The following RASA1 variants were observed in gnomAD, a reference collection of about 807,000 sequenced individuals.
RASA1 encodes the protein ras GTPase-activating protein 1.
A neutral mutation model predicts 132.2 loss-of-function variants in RASA1; 25 were observed. The ratio of observed to expected loss-of-function variants is 0.19; its 90% CI spans 0.14 to 0.26. The LOEUF is 0.26. RASA1 is among the 10% of genes least tolerant of loss of function. The pLI, the probability that RASA1 is intolerant of heterozygous loss-of-function variation, is 1.00. For missense variants in RASA1, 964 were observed against 1,299.2 expected (o/e 0.74, Z 3.97); for synonymous variants, 477 against 449.9 (o/e 1.06, Z -0.76).
chr5:87,271,020 C>G (rs1379312886), intron 1 of RASA1, among the ~76,000 whole-genome samples: 1 of 152,122 alleles, frequency 6.6e-6, no homozygotes, highest in African/African-American at 2.4e-5. Flanking sequence ...GGGTGGATCA[C>G]CTGAAGTCCG....
chr5:87,282,345 T>C (rs1270674665), intron 1 of RASA1, among the ~76,000 whole-genome samples: 2 of 152,246 alleles, frequency 1.3e-5, no homozygotes, highest in African/African-American at 4.8e-5. Context: ...ATAAGATTTA[T>C]GGTTGACAAT....
intron 4 of RASA1, among the ~76,000 whole-genome samples, chr5:87,334,285 T>C (rs774068542): frequency 2.0e-5 from 3 of 152,118 alleles, no homozygotes; most frequent in Admixed American, 6.6e-5. Context: ...TGAGATGAGA[T>C]GTCCCAGCTC....
At chr5:87,295,860 A>C (rs1755097318) in intron 1 of RASA1, among the ~76,000 whole-genome samples, 1 of 149,848 alleles carries the variant, frequency 6.7e-6, no homozygotes, top group South Asian at 2.1e-4. Context: ...TCTGTCATCC[A>C]GGCTGGAATG....
chr5:87,352,994 T>C (rs144529920), intron 8 of RASA1, among the ~76,000 whole-genome samples, 163 bp from the exon 9 acceptor site: 1,654 of 152,144 alleles, frequency 0.011, 13 homozygotes, highest in Non-Finnish European at 0.016. Context: ...TTTTCTAAAA[T>C]AATATGAATG....
intron 11 of RASA1, among the ~76,000 whole-genome samples, chr5:87,363,796 T>C (rs1400420890): frequency 6.6e-6 from 1 of 152,124 alleles, no homozygotes; most frequent in Non-Finnish European, 1.5e-5. Context: ...TCACCTTTCC[T>C]CTGATTTTTT....
intron 12 of RASA1, among the ~76,000 whole-genome samples, chr5:87,370,825 T>C (rs1760880613): frequency 6.6e-6 from 1 of 152,132 alleles, no homozygotes; most frequent in South Asian, 2.1e-4. Context: ...ACCCTAGATA[T>C]GAGGAAGATG....
At chr5:87,290,760 T>G (rs572736736) in intron 1 of RASA1, among the ~76,000 whole-genome samples, 129 of 152,330 alleles carry the variant, frequency 8.5e-4, no homozygotes, top group African/African-American at 3.0e-3. Context: ...CTTTTCACAT[T>G]GGCTTCTTTC....
chr5:87,286,282 T>C (rs1354095844), intron 1 of RASA1, among the ~76,000 whole-genome samples: 1 of 152,108 alleles, frequency 6.6e-6, no homozygotes, highest in African/African-American at 2.4e-5. Context: ...CTGACATTTC[T>C]TTTTTATTTC....
intron 1 of RASA1, among the ~76,000 whole-genome samples, chr5:87,297,751 C>T (rs959232534): frequency 6.6e-6 from 1 of 152,184 alleles, no homozygotes; most frequent in African/African-American, 2.4e-5. Context: ...CTGATATTTA[C>T]TGTAAGGGCA....
At position 87,363,515 on chromosome 5, in the gene RASA1, G is replaced by A. The variant is rs774999601; in HGVS notation, c.1610+11G>A. The stretch of plus-strand genomic sequence containing the variant: ...TAGTCTCTTTGGCAGGTAAGAGACT[G>A]GTTTCCTATTTTTCTTTCGGAATTG... On this transcript the variant is annotated intron_variant, in intron 11 of 24. Coordinates refer to ENST00000274376, the MANE Select transcript of RASA1 (RefSeq NM_002890.3). 1 of 1,607,972 alleles carries A rather than the reference G, an allele frequency of 6.2e-7. No individual in the cohort carries two copies. The highest frequency in any genetic ancestry group is 1.1e-5 in the South Asian group (1 of 90,904).
Position 87,363,428 on chromosome 5 carries a change from C to T in RASA1, c.1534C>T (p.Arg512Ter), listed in dbSNP as rs1554048066. The change falls in exon 11 of 25, where the codon CGA becomes TGA. Residue 512 changes from arginine to a stop codon, truncating the protein, a stop_gained. Coordinates refer to ENST00000274376, the MANE Select transcript of RASA1 (RefSeq NM_002890.3). LOFTEE classifies it high-confidence loss of function. Reference sequence around the variant, plus strand: ...ACTTATTTATTTTGAAAGCGAAAAACGAGCTACCAAACCAAAAGGATTAAT... The same window carrying T: ...ACTTATTTATTTTGAAAGCGAAAAATGAGCTACCAAACCAAAAGGATTAAT... ...AQLIYFESEK[R>*]ATKPKGLIDL... The T allele has an allele frequency of 6.2e-7, 1 of 1,610,912 alleles. No homozygotes were observed. The highest frequency in any genetic ancestry group is 8.5e-7 in the Non-Finnish European group (1 of 1,177,558).
Position 87,374,833 on chromosome 5 carries a change from C to T in RASA1, c.1935-7C>T. ...TTTGTTAATTCTTTTTCTCCTTGCT[C>T]CTTTAGTGATCTTCCTCCTGACATC... On this transcript the variant is annotated splice_region_variant and splice_polypyrimidine_tract_variant and intron_variant, in intron 14 of 24. Transcript: ENST00000274376. 4 of 1,608,116 alleles carry T rather than the reference C, an allele frequency of 2.5e-6. No homozygotes were observed. Among genetic ancestry groups the T allele is most frequent in the Non-Finnish European group, 3.4e-6 (4 of 1,176,838 alleles).
At chr5:87,325,029 G>A (rs1757125119) in intron 1 of RASA1, among the ~76,000 whole-genome samples, 1 of 152,086 alleles carries the variant, frequency 6.6e-6, no homozygotes, top group African/African-American at 2.4e-5. Flanking sequence ...CCGAGATGGG[G>A]TCACTTATAA....
At chr5:87,324,802 C>T (rs1245065782) in intron 1 of RASA1, among the ~76,000 whole-genome samples, 1 of 151,968 alleles carries the variant, frequency 6.6e-6, no homozygotes, top group Non-Finnish European at 1.5e-5. Context: ...TTTTGCTTAG[C>T]CTAGTGGTTG....
At chr5:87,337,898 T>C in intron 4 of RASA1, 76 bp from the exon 5 acceptor site, 1 of 1,414,164 alleles carries the variant, frequency 7.1e-7, no homozygotes, top group East Asian at 2.6e-5. Context: ...CCCTATCCTA[T>C]TTTGTGGTAT....
At chr5:87,349,915 C>A (rs1759133054) in intron 8 of RASA1, among the ~76,000 whole-genome samples, 1 of 151,690 alleles carries the variant, frequency 6.6e-6, no homozygotes, top group Admixed American at 6.6e-5. Context: ...TAGAAGAAAC[C>A]ATATGATAGA....
intron 1 of RASA1, among the ~76,000 whole-genome samples, chr5:87,315,206 A>G (rs1756233072): frequency 6.6e-6 from 1 of 152,342 alleles, no homozygotes; most frequent in South Asian, 2.1e-4. Context: ...GAATATCTGA[A>G]ACTGGTAATT....
At chr5:87,343,788 C>T (rs779664317) in intron 6 of RASA1, among the ~76,000 whole-genome samples, 2 of 152,152 alleles carry the variant, frequency 1.3e-5, no homozygotes, top group Non-Finnish European at 2.9e-5. Flanking sequence ...CAGCACCATT[C>T]ACAATAGCCG....
At chr5:87,312,308 TGTTAA>T (rs1200286838) in intron 1 of RASA1, among the ~76,000 whole-genome samples, 45 of 152,240 alleles carry the variant, frequency 3.0e-4, no homozygotes, top group African/African-American at 9.4e-4. Context: ...ATCTGTCTTC[TGTTAA>T]GTTAGATAGT....
Sources: allele counts gnomAD v4.1 joint callset (sites outside exome capture counted in the v4.1 genomes callset), GRCh38; gene constraint gnomAD v4.1.1; transcripts MANE v1.5; gene names NCBI Gene and HGNC (gene_info 2026-07-23, HGNC 2026-07-21).